Variants in BCKDHB observed in about 807,000 individuals in gnomAD.
The protein encoded by BCKDHB is branched chain keto acid dehydrogenase E1 subunit beta, also known as 2-oxoisovalerate dehydrogenase subunit beta, mitochondrial.
Under a neutral mutation model 48.5 loss-of-function variants are expected in BCKDHB, and 41 were observed. The ratio of observed to expected loss-of-function variants is 0.85; its 90% CI spans 0.66 to 1.10. BCKDHB has a LOEUF of 1.10. Ranked by LOEUF, BCKDHB falls within the 50% of genes least tolerant of loss-of-function variation. BCKDHB has a pLI of 0.00. For missense variants in BCKDHB, 496 were observed against 494.2 expected (o/e 1.00, Z -0.03); for synonymous variants, 201 against 174.8 (o/e 1.15, Z -1.18).
At chr6:80,260,918 G>A (rs1453637411) in intron 8 of BCKDHB, among the ~76,000 whole-genome samples, 8 of 152,132 alleles carry the variant, frequency 5.3e-5, no homozygotes, top group Admixed American at 5.2e-4. Flanking sequence ...TAAAGTATAG[G>A]TTGCAAACTC....
chr6:80,272,010 A>G (rs1195914819), intron 8 of BCKDHB, among the ~76,000 whole-genome samples: 3 of 152,154 alleles, frequency 2.0e-5, no homozygotes, highest in African/African-American at 4.8e-5. Flanking sequence ...GGCATAATTA[A>G]TCACAGTCAT....
intron 8 of BCKDHB, among the ~76,000 whole-genome samples, chr6:80,203,747 C>T (rs1774507931): frequency 6.6e-6 from 1 of 152,074 alleles, no homozygotes; most frequent in Non-Finnish European, 1.5e-5. Context: ...TAAGTAGCCT[C>T]ATGACCTTTG....
chr6:80,115,299 T>C (rs1769629835), intron 1 of BCKDHB, among the ~76,000 whole-genome samples: 1 of 152,112 alleles, frequency 6.6e-6, no homozygotes, highest in Admixed American at 6.5e-5. Context: ...CGTCACGTAC[T>C]ACTGTGCCTG....
intron 1 of BCKDHB, among the ~76,000 whole-genome samples, chr6:80,119,360 G>A (rs757175307): frequency 3.3e-5 from 5 of 151,944 alleles, no homozygotes; most frequent in Admixed American, 6.6e-5. Flanking sequence ...ACTCTGTCAC[G>A]CAGGCTGGAG....
In BCKDHB at chr6:80,318,717, G is replaced by T. The variant is rs79130598; in HGVS notation, c.1039-24947G>T. Among the ~76,000 whole-genome samples, 729 of 145,684 alleles carry T rather than the reference G, an allele frequency of 5.0e-3. 5 individuals are homozygous for T. The highest frequency in any genetic ancestry group is 0.018 in the African/African-American group (699 of 38,578). On this transcript the variant is annotated intron_variant, in intron 9 of 9. Coordinates refer to ENST00000320393, the MANE Select transcript of BCKDHB (RefSeq NM_183050.4). ...AAAAAAAAAAAAAGAAAAGAAATTAGAAAAAAAAATTGTACTGAACATGTA... is the reference window on the plus strand; with the variant it reads ...AAAAAAAAAAAAAGAAAAGAAATTATAAAAAAAAATTGTACTGAACATGTA...
chr6:80,446,720 ATTT>A, the BCKDHB span, among the ~76,000 whole-genome samples: 1,584 of 111,328 alleles, frequency 0.014, 28 homozygotes, highest in African/African-American at 0.049. Context: ...CTTCTGGACA[ATTT>A]TTTTTTTTTT....
At chr6:80,129,262 T>C (rs763945458) in intron 3 of BCKDHB, 33 bp downstream of exon 3, 49 of 1,542,164 alleles carry the variant, frequency 3.2e-5, no homozygotes, top group Non-Finnish European at 3.9e-5. Flanking sequence ...AGTATTCTGA[T>C]AGAACTTTTA....
chr6:80,284,937 G>T (rs896206838), intron 9 of BCKDHB, among the ~76,000 whole-genome samples: 2 of 152,120 alleles, frequency 1.3e-5, no homozygotes, highest in Admixed American at 1.3e-4. Context: ...GAACCACTCA[G>T]ACAATGTTTT....
At chr6:80,380,072 T>G in the BCKDHB span, among the ~76,000 whole-genome samples, 1 of 151,964 alleles carries the variant, frequency 6.6e-6, no homozygotes, top group African/African-American at 2.4e-5. Context: ...TTTCACAGAA[T>G]TAGAAAAACA....
chr6:80,263,382 G>T (rs1777382445), intron 8 of BCKDHB, among the ~76,000 whole-genome samples: 1 of 151,896 alleles, frequency 6.6e-6, no homozygotes, highest in African/African-American at 2.4e-5. Context: ...CTCTTATCTT[G>T]GTTTTAATGA....
At chr6:80,318,774 G>A (rs956619501) in intron 9 of BCKDHB, among the ~76,000 whole-genome samples, 9 of 150,886 alleles carry the variant, frequency 6.0e-5, no homozygotes, top group Non-Finnish European at 2.9e-5. Flanking sequence ...TTGTTTCCTA[G>A]GCAACACAGT....
chr6:80,300,231 T>C (rs1767511929), intron 9 of BCKDHB, among the ~76,000 whole-genome samples: 1 of 152,048 alleles, frequency 6.6e-6, no homozygotes, highest in South Asian at 2.1e-4. Context: ...TAGTTGTTTT[T>C]AGTAGAGTCA....
At chr6:80,335,131 G>T (rs1203683355) in intron 9 of BCKDHB, among the ~76,000 whole-genome samples, 4 of 150,196 alleles carry the variant, frequency 2.7e-5, no homozygotes. Flanking sequence ...TTTCTGTTTC[G>T]TGAGACAAAA....
chr6:80,321,718 T>C (rs1265442464), intron 9 of BCKDHB, among the ~76,000 whole-genome samples: 2 of 152,176 alleles, frequency 1.3e-5, no homozygotes, highest in Non-Finnish European at 2.9e-5. Flanking sequence ...CCAACTAATA[T>C]GAAACAGGAA....
At chr6:80,173,103 T>G (rs1772993277) in intron 6 of BCKDHB, among the ~76,000 whole-genome samples, 2 of 152,142 alleles carry the variant, frequency 1.3e-5, no homozygotes, top group South Asian at 4.1e-4. Context: ...AAGAAAGATT[T>G]GAAAAAGTAA....
At chr6:80,352,365 A>G in the BCKDHB span, among the ~76,000 whole-genome samples, 1 of 152,114 alleles carries the variant, frequency 6.6e-6, no homozygotes, top group Non-Finnish European at 1.5e-5. Context: ...CTCTATATTG[A>G]GGAATGCTGC....
rs1209044024 is a variant in BCKDHB, at chr6:80,273,239, A to G, written c.1038+18A>G. 1 of 1,600,086 alleles carries G rather than the reference A, an allele frequency of 6.2e-7. No individual in the cohort carries two copies. Among genetic ancestry groups the G allele is most frequent in the East Asian group, 2.2e-5 (1 of 44,766 alleles). ...CAGTTCAGGTAGAGTAATTTTTGGA[A>G]CTGATTTCAATGCTTGTGCAATTCC... On this transcript the variant is annotated intron_variant, in intron 9 of 9. Transcript: ENST00000320393.
chr6:80,303,650 CGTGT>C (rs372735913), intron 9 of BCKDHB, among the ~76,000 whole-genome samples: 1 of 150,546 alleles, frequency 6.6e-6, no homozygotes, highest in South Asian at 2.1e-4. Flanking sequence ...AAAATCCATG[CGTGT>C]GTGTGTGTGT....
chr6:80,264,026 A>G (rs897889846), intron 8 of BCKDHB, among the ~76,000 whole-genome samples: 1 of 152,170 alleles, frequency 6.6e-6, no homozygotes, highest in Non-Finnish European at 1.5e-5. Flanking sequence ...TTTTTTTAGA[A>G]AAGAACAAAG....
Sources: allele counts gnomAD v4.1 joint callset (sites outside exome capture counted in the v4.1 genomes callset), GRCh38; gene constraint gnomAD v4.1.1; transcripts MANE v1.5; gene names NCBI Gene and HGNC (gene_info 2026-07-23, HGNC 2026-07-21).